GYG1: variants seen among roughly 807,000 people sequenced by gnomAD.
GYG1 encodes the protein glycogenin-1.
GYG1 carries 44 observed loss-of-function variants against 41.9 expected under a neutral mutation model. The ratio of observed to expected loss-of-function variants is 1.05; its 90% CI spans 0.83 to 1.35. The LOEUF (loss-of-function observed/expected upper bound fraction) is 1.35. Among genes scored for constraint, GYG1 ranks in the 40% most tolerant of loss-of-function variants. The pLI, the probability that GYG1 is intolerant of heterozygous loss-of-function variation, is 0.00. For synonymous variants in GYG1, 141 were observed against 158.1 expected (o/e 0.89, Z 0.81); for missense variants, 429 against 418.9 (o/e 1.02, Z -0.21).
rs1219041000 is a variant in GYG1 at position 148,992,637 on chromosome 3, G to C, written c.7+990G>C. The C allele has an allele frequency of 2.0e-5, 3 of 152,224 alleles. No homozygotes were observed. The East Asian group carries it at 5.8e-4, about 29-fold the overall frequency. 9.4% of individuals were successfully genotyped at this position (152,224 alleles called of 1,614,324 possible). On this transcript the variant is annotated intron_variant, in intron 1 of 7. Coordinates refer to ENST00000345003, the MANE Select transcript of GYG1 (RefSeq NM_004130.4). The stretch of plus-strand genomic sequence containing the variant: ...GTTAGATGATCATTCATTTTGCCTA[G>C]CTTAAGTATTTTTGGTACAGATTGA...
rs963048353 is a variant in GYG1, at chr3:149,016,140, T to A, written c.608+6738T>A. Among the ~76,000 whole-genome samples, 6 of 151,380 alleles carry A rather than the reference T, an allele frequency of 4.0e-5. No individual in the cohort carries two copies. The East Asian group carries it at 5.9e-4, about 15-fold the overall frequency. ...GCTGGGTGTGGTGGCGGGCGCCTGT[T>A]GTCCCAGCTACTCAGGAGGCTGAGG... On this transcript the variant is annotated intron_variant, in intron 5 of 7. Coordinates refer to ENST00000345003, the MANE Select transcript of GYG1 (RefSeq NM_004130.4).
chr3:148,994,872 C>T (rs1034681481), intron 2 of GYG1, among the ~76,000 whole-genome samples: 16 of 152,066 alleles, frequency 1.1e-4, no homozygotes, highest in African/African-American at 2.9e-4. Context: ...CACTTTGATC[C>T]GATGGAATTA....
intron 5 of GYG1, among the ~76,000 whole-genome samples, chr3:149,011,106 A>G (rs957020695): frequency 6.6e-6 from 1 of 152,128 alleles, no homozygotes; most frequent in Non-Finnish European, 1.5e-5. Flanking sequence ...CCTTTGTACA[A>G]TGGGAACAAG....
Position 149,029,335 on chromosome 3 carries a change from C to T in GYG1, c.*2402C>T, listed in dbSNP as rs1020669740. Among the ~76,000 whole-genome samples, 9 of 152,296 alleles carry T rather than the reference C, an allele frequency of 5.9e-5. No homozygotes were observed. The highest frequency in any genetic ancestry group is 2.2e-4 in the African/African-American group (9 of 41,556). The stretch of plus-strand genomic sequence containing the variant: ...TATTTGCAGAGGTGATCCATATATA[C>T]TTATCCCCTTGCAGTGGCTGGTATG... On this transcript the variant is annotated 3_prime_UTR_variant, in exon 8 of 8. Transcript: ENST00000345003.
chr3:148,997,184 A>T (rs1712851555), intron 4 of GYG1, among the ~76,000 whole-genome samples: 1 of 152,150 alleles, frequency 6.6e-6, no homozygotes, highest in Non-Finnish European at 1.5e-5. Context: ...AGAGTATGAT[A>T]AATGTACTGT....
chr3:149,009,349 T>C lies in GYG1; in HGVS notation c.555T>C (p.Phe185=), dbSNP rs1461184110. 6 of 1,612,642 alleles carry C rather than the reference T, an allele frequency of 3.7e-6. No homozygotes were observed. The Admixed American group carries it at 5.0e-5, about 13-fold the overall frequency. The stretch of plus-strand genomic sequence containing the variant: ...CAGATATCAGAAAACACCTGCCGTT[T>C]ATTTATAACCTAAGCAGCATCTCTA... ...ATTDIRKHLP[F]IYNLSSISIY... The change falls in exon 5 of 8, where the codon TTT becomes TTC. Residue 185 remains phenylalanine, a synonymous_variant. Transcript: ENST00000345003.
At chr3:149,013,348 G>A (rs963729176) in intron 5 of GYG1, among the ~76,000 whole-genome samples, 4 of 152,012 alleles carry the variant, frequency 2.6e-5, no homozygotes, top group African/African-American at 4.8e-5. Context: ...TTTAAAAATC[G>A]TTTAGTTTCA....
At chr3:149,000,288 T>C (rs753432749) in intron 4 of GYG1, among the ~76,000 whole-genome samples, 3 of 152,236 alleles carry the variant, frequency 2.0e-5, no homozygotes, top group Non-Finnish European at 4.4e-5. Flanking sequence ...AGAGTCAAAC[T>C]TCTATACTGT....
chr3:149,008,492 G>A (rs1357711667), intron 4 of GYG1, among the ~76,000 whole-genome samples: 1 of 152,134 alleles, frequency 6.6e-6, no homozygotes, highest in Non-Finnish European at 1.5e-5. Flanking sequence ...TCCCCCATCG[G>A]CATTTTTCAG....
intron 5 of GYG1, among the ~76,000 whole-genome samples, chr3:149,010,542 G>C (rs539347285): frequency 6.6e-6 from 1 of 151,962 alleles, no homozygotes; most frequent in Admixed American, 6.5e-5. Flanking sequence ...GTCCAGGCTG[G>C]CCTTGAACTC....
intron 4 of GYG1, among the ~76,000 whole-genome samples, chr3:149,006,080 C>CT (rs34268321): frequency 0.34 from 39,450 of 117,222 alleles, 7,422 homozygotes; most frequent in African/African-American, 0.38. Flanking sequence ...TCATCATATT[C>CT]TTTTTTTTTT....
At chr3:149,012,488 T>A (rs568611283) in intron 5 of GYG1, among the ~76,000 whole-genome samples, 2 of 152,308 alleles carry the variant, frequency 1.3e-5, no homozygotes, top group African/African-American at 2.4e-5. Context: ...CCCCAGAATC[T>A]TAGAGTTTTG....
intron 6 of GYG1, among the ~76,000 whole-genome samples, chr3:149,024,956 T>C (rs1714573732): frequency 6.6e-6 from 1 of 152,238 alleles, no homozygotes; most frequent in South Asian, 2.1e-4. Context: ...TGGTGAATTA[T>C]AATCAGATAA....
chr3:148,995,313 T>C (rs1386352075), intron 2 of GYG1, among the ~76,000 whole-genome samples: 2 of 152,250 alleles, frequency 1.3e-5, no homozygotes, highest in Non-Finnish European at 2.9e-5. Flanking sequence ...GTGATGTGTT[T>C]ATTTTTCTGG....
At chr3:149,007,813 C>A (rs946388900) in intron 4 of GYG1, among the ~76,000 whole-genome samples, 3 of 152,176 alleles carry the variant, frequency 2.0e-5, no homozygotes, top group African/African-American at 7.2e-5. Context: ...CGCACATATG[C>A]ACTCATGCAC....
chr3:149,009,628 T>C (rs1713609071), intron 5 of GYG1, among the ~76,000 whole-genome samples: 1 of 152,160 alleles, frequency 6.6e-6, no homozygotes, highest in Admixed American at 6.6e-5. Context: ...AAGGTTCCCA[T>C]CAGTTTCTGG....
At chr3:148,995,178 C>G (rs1017431495) in intron 2 of GYG1, among the ~76,000 whole-genome samples, 1 of 152,182 alleles carries the variant, frequency 6.6e-6, no homozygotes. Flanking sequence ...CCACTGCACT[C>G]CAGCCAGGGC....
chr3:149,009,198 G>T (rs1278739759), intron 4 of GYG1, 78 bp from the exon 5 acceptor site: 1 of 1,068,510 alleles, frequency 9.4e-7, no homozygotes, highest in Non-Finnish European at 1.4e-6. Flanking sequence ...TATTTTTAAA[G>T]GTCCAGTTAT....
intron 4 of GYG1, among the ~76,000 whole-genome samples, chr3:149,006,930 C>T (rs1481482409): frequency 6.6e-6 from 1 of 152,170 alleles, no homozygotes; most frequent in Non-Finnish European, 1.5e-5. Context: ...CTAAAATTGT[C>T]TTTGGTTCTC....
Sources: allele counts gnomAD v4.1 joint callset (sites outside exome capture counted in the v4.1 genomes callset), GRCh38; gene constraint gnomAD v4.1.1; transcripts MANE v1.5; gene names NCBI Gene and HGNC (gene_info 2026-07-23, HGNC 2026-07-21).